LUC7L2: variants seen among roughly 807,000 people sequenced by gnomAD.
The protein encoded by LUC7L2 is putative RNA-binding protein Luc7-like 2.
LUC7L2 carries 25 observed loss-of-function variants against 52.8 expected under a neutral mutation model. That is an observed-to-expected ratio of 0.47 (90% CI 0.34 to 0.66). The LOEUF (loss-of-function observed/expected upper bound fraction) is 0.66. Among genes scored for constraint, LUC7L2 ranks in the 30% least tolerant of loss-of-function variants. LUC7L2 has a pLI of 0.01. For synonymous variants in LUC7L2, 144 were observed against 160.9 expected, an observed-to-expected ratio of 0.89 and a Z score of 0.80; for missense variants, 328 against 497.8, an observed-to-expected ratio of 0.66 and a Z score of 3.25.
Position 139,409,671 on chromosome 7 carries a change from C to A in LUC7L2, c.779+17C>A. On this transcript the variant is annotated intron_variant, in intron 7 of 9. Transcript: ENST00000354926. ...GCTGAGGAGGTATGGAGTAATGGGC[C>A]AAGTAATTGAAGTTGAATCTCTGTG... is the stretch of plus-strand genomic sequence containing the variant. 6.4e-7 allele frequency: 1 copy of A among 1,570,914 alleles called. No individual in the cohort carries two copies. Among genetic ancestry groups the A allele is most frequent in the Non-Finnish European group, 8.6e-7 (1 of 1,161,466 alleles).
chr7:139,384,869 A>G (rs1315152983), intron 2 of LUC7L2, among the ~76,000 whole-genome samples: 2 of 151,922 alleles, frequency 1.3e-5, no homozygotes, highest in African/African-American at 4.8e-5. Context: ...GATCCTTCCA[A>G]CTCAGCCTCC....
rs200830871 is a variant in LUC7L2 at position 139,345,628 on chromosome 7, G to A, written c.-26+5111G>A. ...CAGGAATTTCATGGCAAGGGTGAGCGCTCGGTGGAGGAGTCTGCTGGCTTG... is the reference window on the plus strand; with the variant it reads ...CAGGAATTTCATGGCAAGGGTGAGCACTCGGTGGAGGAGTCTGCTGGCTTG... On this transcript the variant is annotated intron_variant, in intron 1 of 10. Coordinates refer to the LUC7L2 transcript ENST00000541170. The A allele has an allele frequency of 8.8e-5, 142 of 1,614,152 alleles. No individual in the cohort carries two copies. The East Asian group carries it at 9.4e-4, about 11-fold the overall frequency.
intron 1 of LUC7L2, among the ~76,000 whole-genome samples, chr7:139,364,312 T>TA (rs1800034009): frequency 6.6e-6 from 1 of 152,088 alleles, no homozygotes; most frequent in African/African-American, 2.4e-5. Context: ...ATCTCTTAAT[T>TA]GCTTATACCT....
intron 2 of LUC7L2, among the ~76,000 whole-genome samples, chr7:139,390,365 A>G (rs1483636433): frequency 6.7e-6 from 1 of 150,056 alleles, no homozygotes; most frequent in Non-Finnish European, 1.5e-5. Context: ...GGTTCAAGTG[A>G]TTTTCCTGCC....
intron 1 of LUC7L2, among the ~76,000 whole-genome samples, chr7:139,364,294 G>A (rs952781634): frequency 6.6e-6 from 1 of 151,976 alleles, no homozygotes; most frequent in African/African-American, 2.4e-5. Context: ...TAGTTCTGAG[G>A]GTTCTGTATC....
Position 139,407,453 on chromosome 7 carries a change from C to T in LUC7L2, c.687+103C>T, listed in dbSNP as rs948341592. 3.8e-6 allele frequency: 5 copies of T among 1,301,030 alleles called. No homozygotes were observed. The African/African-American group carries it at 7.4e-5, about 19-fold the overall frequency. 80.6% of individuals were successfully genotyped at this position (1,301,030 alleles called of 1,614,324 possible). On this transcript the variant is annotated intron_variant, in intron 6 of 9. Coordinates refer to ENST00000354926, the MANE Select transcript of LUC7L2 (RefSeq NM_016019.5). ...TGACTATGATTCAGTAATATAGTAT[C>T]TAATGATTAATACTAAACAGTGTAG...
chr7:139,364,410 TTAGA>T (rs1470439192), intron 1 of LUC7L2, among the ~76,000 whole-genome samples: 4 of 152,150 alleles, frequency 2.6e-5, no homozygotes, highest in Non-Finnish European at 4.4e-5. Context: ...ACTAGGAATG[TTAGA>T]TAGAATTTTA....
intron 8 of LUC7L2, among the ~76,000 whole-genome samples, chr7:139,415,003 T>G (rs1195437602): frequency 6.6e-6 from 1 of 151,376 alleles, no homozygotes; most frequent in Non-Finnish European, 1.5e-5. Context: ...TCTTCTACCT[T>G]AGGCTCCCTA....
At chr7:139,401,004 A>G (rs1474498176) in intron 3 of LUC7L2, among the ~76,000 whole-genome samples, 2 of 152,208 alleles carry the variant, frequency 1.3e-5, no homozygotes, top group African/African-American at 4.8e-5. Flanking sequence ...TGAATTAGTT[A>G]TATTTCTGTA....
chr7:139,381,823 G>A (rs1049076903), intron 2 of LUC7L2, among the ~76,000 whole-genome samples: 4 of 150,670 alleles, frequency 2.7e-5, no homozygotes, highest in South Asian at 2.1e-4. Flanking sequence ...TGATCTGCCC[G>A]CCTCACCCTC....
chr7:139,387,294 C>T (rs1359948716), intron 2 of LUC7L2, among the ~76,000 whole-genome samples: 1 of 151,918 alleles, frequency 6.6e-6, no homozygotes, highest in Non-Finnish European at 1.5e-5. Context: ...CCCAGGTTCA[C>T]GCCATTCTCC....
chr7:139,392,820 T>A lies in LUC7L2; in HGVS notation c.157-5779T>A, dbSNP rs190922554. ...GGCATGCACCACCACGCCCGGCTAATTTTGTATTTTTTTAGTAGAGACGAG... is the reference window on the plus strand; with the variant it reads ...GGCATGCACCACCACGCCCGGCTAAATTTGTATTTTTTTAGTAGAGACGAG... On this transcript the variant is annotated intron_variant, in intron 2 of 9. Transcript: ENST00000354926. 2.2e-3 allele frequency among the ~76,000 whole-genome samples: 333 copies of A among 151,844 alleles called. 3 individuals are homozygous for A. Among genetic ancestry groups the A allele is most frequent in the Non-Finnish European group, 3.7e-3 (249 of 67,918 alleles).
intron 9 of LUC7L2, among the ~76,000 whole-genome samples, chr7:139,420,673 T>C (rs1353595208): frequency 6.6e-6 from 1 of 152,250 alleles, no homozygotes; most frequent in Non-Finnish European, 1.5e-5. Flanking sequence ...TTATTACTGA[T>C]CACTGGGACT....
intron 4 of LUC7L2, among the ~76,000 whole-genome samples, chr7:139,403,298 A>T (rs973136142): frequency 1.3e-5 from 2 of 152,232 alleles, no homozygotes; most frequent in Non-Finnish European, 2.9e-5. Flanking sequence ...TTAGAATCCA[A>T]ACAAGGTCTT....
chr7:139,346,455 A>G (rs377448005), intron 1 of LUC7L2: 1 of 152,184 alleles, frequency 6.6e-6, no homozygotes, highest in East Asian at 1.9e-4. Context: ...CATAAATTTG[A>G]TGTGTTACAG....
Position 139,407,162 on chromosome 7 carries a change from A to T in LUC7L2, c.511-12A>T. 2 of 1,600,514 alleles carry T rather than the reference A, an allele frequency of 1.2e-6. No individual in the cohort carries two copies. Among genetic ancestry groups the T allele is most frequent in the Non-Finnish European group, 1.7e-6 (2 of 1,172,938 alleles). ...GATTTATATGGTCATTGTTTTTCTC[A>T]CTTTTGTTTAGGAAGTTTATCGGAA... is the stretch of plus-strand genomic sequence containing the variant. On this transcript the variant is annotated splice_polypyrimidine_tract_variant and intron_variant, in intron 5 of 9. Transcript: ENST00000354926.
chr7:139,382,103 G>A (rs1801062178), intron 2 of LUC7L2, among the ~76,000 whole-genome samples: 1 of 151,646 alleles, frequency 6.6e-6, no homozygotes, highest in East Asian at 1.9e-4. Flanking sequence ...TGTTGGCCAG[G>A]GTGGTCTCAA....
intron 1 of LUC7L2, among the ~76,000 whole-genome samples, chr7:139,342,992 C>T (rs997777551): frequency 1.3e-5 from 2 of 152,174 alleles, no homozygotes; most frequent in Non-Finnish European, 2.9e-5. Context: ...AGAAGGGATT[C>T]TATTAGGGAG....
intron 1 of LUC7L2, among the ~76,000 whole-genome samples, chr7:139,342,576 C>T (rs1799040399): frequency 6.6e-6 from 1 of 152,156 alleles, no homozygotes; most frequent in Admixed American, 6.5e-5. Flanking sequence ...GATTCTCCTG[C>T]CTCAGCCTCC....
Sources: allele counts gnomAD v4.1 joint callset (sites outside exome capture counted in the v4.1 genomes callset), GRCh38; gene constraint gnomAD v4.1.1; transcripts MANE v1.5; gene names NCBI Gene and HGNC (gene_info 2026-07-23, HGNC 2026-07-21).